Variants in SELENBP1 observed in about 807,000 individuals in gnomAD.
The protein encoded by SELENBP1 is methanethiol oxidase.
In SELENBP1, 71 loss-of-function variants were observed where a neutral mutation model predicts 61.0. That is an observed-to-expected ratio of 1.16 (90% confidence interval 0.96 to 1.42). The LOEUF (loss-of-function observed/expected upper bound fraction) is 1.42. Ranked by LOEUF, SELENBP1 falls within the 40% of genes most tolerant of loss-of-function variation. SELENBP1 has a pLI of 0.00. For missense variants in SELENBP1, 561 were observed against 605.0 expected (o/e 0.93, Z 0.76); for synonymous variants, 270 against 238.9 (o/e 1.13, Z -1.20).
Position 151,364,526 on chromosome 1 carries a change from G to C in SELENBP1, c.*17C>G. On this transcript the variant is annotated 3_prime_UTR_variant, in exon 12 of 12. Coordinates refer to ENST00000368868, the MANE Select transcript of SELENBP1 (RefSeq NM_003944.4). ...GTGAGGGCCCAAAATAGGGAGTGTG[G>C]GTGATGAGGGTGGAGTTCAAATCCA... is the stretch of plus-strand genomic sequence containing the variant. The C allele has an allele frequency of 6.2e-7, 1 of 1,613,726 alleles. No individual in the cohort carries two copies. Among genetic ancestry groups the C allele is most frequent in the Non-Finnish European group, 8.5e-7 (1 of 1,179,898 alleles).
Position 151,366,339 on chromosome 1 carries a change from T to G in SELENBP1, c.779A>C (p.Asp260Ala), listed in dbSNP as rs999479714. Residue 260 changes from aspartate (D) to alanine (A), a missense_variant, in exon 7 of 12, where the codon GAC becomes GCC. Asp to Ala is a moderately radical substitution (Grantham distance 126, BLOSUM62 -2). Transcript: ENST00000368868. ...PLEIRFLHNP[D>A]AAQGFVGCAL... ...GCAGCCCACAAAGCCTTGGGCAGCG[T>G]CTGGGTTGTGCAGGAAGCGGATCTC... is the stretch of plus-strand genomic sequence containing the variant. 5 of 1,614,072 alleles carry G rather than the reference T, an allele frequency of 3.1e-6. No homozygotes were observed. The African/African-American group carries it at 6.7e-5, about 22-fold the overall frequency.
At chr1:151,371,481 C>T (rs1652136420) in intron 1 of SELENBP1, among the ~76,000 whole-genome samples, 1 of 151,146 alleles carries the variant, frequency 6.6e-6, no homozygotes, top group Non-Finnish European at 1.5e-5. Flanking sequence ...AGGAGAATGC[C>T]AGGGAGTGCT....
In SELENBP1 at chr1:151,369,524, C is replaced by G. The variant is rs771417032; in HGVS notation, c.92G>C (p.Cys31Ser). 1.9e-6 allele frequency: 3 copies of G among 1,610,962 alleles called. No individual in the cohort carries two copies. Among genetic ancestry groups the G allele is most frequent in the Non-Finnish European group, 1.7e-6 (2 of 1,178,840 alleles). Residue 31 changes from cysteine to serine, a missense_variant, in exon 3 of 12, where the codon TGC becomes TCC. By Grantham distance (112) the Cys-to-Ser change is moderately radical (BLOSUM62 -1). Transcript: ENST00000368868. ...CTCAGTGCCTGTGTTTCGGTAAATG[C>G]AGGGCAGGTAGACGATCTCTTCCCT... ...GPREEIVYLPCIYRNTGTEAP... is the reference protein window; with the variant it reads ...GPREEIVYLPSIYRNTGTEAP...
intron 1 of SELENBP1, 147 bp downstream of exon 1, chr1:151,372,491 G>C: frequency 1.0e-6 from 1 of 966,620 alleles, no homozygotes; most frequent in South Asian, 1.4e-5. Flanking sequence ...GTGGGGGAGG[G>C]GGTGTGCAGA....
Position 151,372,624 on chromosome 1 carries a change from AC to A in SELENBP1, c.4+13del, listed in dbSNP as rs1652191776. The A allele has an allele frequency of 6.2e-7, 1 of 1,613,504 alleles. No individual in the cohort carries two copies. The highest frequency in any genetic ancestry group is 1.3e-5 in the African/African-American group (1 of 74,710). On this transcript the variant is annotated intron_variant, in intron 1 of 11. Coordinates refer to ENST00000368868, the MANE Select transcript of SELENBP1 (RefSeq NM_003944.4). ...CAGAGCAGGCAATGGGTGATTGGAA[AC>A]CCCTCTCCTTACCCATGCTGCCGAC...
In SELENBP1 at chr1:151,364,945, A is replaced by G; in HGVS notation, c.1237T>C (p.Phe413Leu). The change falls in exon 11 of 12, where the codon TTT becomes CTT. Residue 413 changes from phenylalanine (F) to leucine (L), a missense_variant. Phe to Leu is a conservative substitution (Grantham distance 22). Coordinates refer to ENST00000368868, the MANE Select transcript of SELENBP1 (RefSeq NM_003944.4). ...TSLYSAWDKQFYPDLIREGSV... is the reference protein window; with the variant it reads ...TSLYSAWDKQLYPDLIREGSV... ...TCTCACCTGATGAGATCAGGGTAAA[A>G]CTGCTTGTCCCAGGCACTGTACAGC... is the stretch of plus-strand genomic sequence containing the variant. 6.2e-7 allele frequency: 1 copy of G among 1,613,804 alleles called. No homozygotes were observed. The highest frequency in any genetic ancestry group is 1.7e-5 in the Admixed American group (1 of 59,976).
chr1:151,369,383 G>C (rs1452780409), intron 3 of SELENBP1, 59 bp downstream of exon 3: 43 of 1,520,572 alleles, frequency 2.8e-5, no homozygotes, highest in Non-Finnish European at 3.6e-5. Flanking sequence ...GGGGGGCCCA[G>C]GGCCAGGGAT....
chr1:151,368,993 A>G lies in SELENBP1; in HGVS notation c.360+11T>C. 1.9e-6 allele frequency: 3 copies of G among 1,601,796 alleles called. No homozygotes were observed. The highest frequency in any genetic ancestry group is 2.6e-6 in the Non-Finnish European group (3 of 1,170,366). ...TATGGTCTACTGAGCTGGCAAGGGC[A>G]GAGGACATGCCTTGTGCAGCTTTGG... On this transcript the variant is annotated intron_variant, in intron 4 of 11. Transcript: ENST00000368868.
Position 151,365,244 on chromosome 1 carries a change from A to T in SELENBP1, c.1082T>A (p.Val361Glu). 6 of 1,613,558 alleles carry T rather than the reference A, an allele frequency of 3.7e-6. No individual in the cohort carries two copies. Among genetic ancestry groups the T allele is most frequent in the Non-Finnish European group, 5.1e-6 (6 of 1,179,760 alleles). Residue 361 changes from valine to glutamate, a missense_variant, in exon 10 of 12, where the codon GTG (valine) becomes GAG (glutamate). By Grantham distance (121) the Val-to-Glu change is moderately radical. Coordinates refer to ENST00000368868, the MANE Select transcript of SELENBP1 (RefSeq NM_003944.4). ...LGGSIVKGGP[V>E]QVLEDEELKS... ...TAGTTCCTCGTCCTCCAGCACTTGC[A>T]CAGGGCCTCCCTTAACAATGCTGCC...
intron 8 of SELENBP1, 29 bp downstream of exon 8, chr1:151,365,739 A>C (rs773345789): frequency 3.7e-6 from 6 of 1,613,940 alleles, no homozygotes; most frequent in Non-Finnish European, 5.1e-6. Flanking sequence ...CAGGCCAAGA[A>C]TCAACTTTCC....
At chr1:151,369,379 C>A (rs1423375020) in intron 3 of SELENBP1, 63 bp downstream of exon 3, 21 of 1,504,524 alleles carry the variant, frequency 1.4e-5, no homozygotes, top group Non-Finnish European at 1.9e-5. Flanking sequence ...GAAGGGGGGG[C>A]CCAGGGCCAG....
At chr1:151,369,354 G>A (rs1478463653) in intron 3 of SELENBP1, 88 bp downstream of exon 3, 4 of 1,437,686 alleles carry the variant, frequency 2.8e-6, no homozygotes, top group Non-Finnish European at 3.8e-6. Flanking sequence ...GGAGGGCCAA[G>A]AAGGATGGAG....
intron 7 of SELENBP1, 21 bp downstream of exon 7, chr1:151,366,253 AG>A (rs1280314258): frequency 1.9e-6 from 3 of 1,602,166 alleles, no homozygotes; most frequent in Middle Eastern, 4.1e-4. Context: ...CTGGGAGGGG[AG>A]GGCCAGAGGG....
Position 151,364,639 on chromosome 1 carries a change from G to C in SELENBP1, c.1323C>G (p.Asn441Lys), listed in dbSNP as rs1363033403. Reference protein sequence around the residue: ...TVKGGLKLNPNFLVDFGKEPL... With the variant: ...TVKGGLKLNPKFLVDFGKEPL... ...GCTCCTTCCCGAAGTCCACCAGGAAGTTGGGGTTCAACTTCAGCCCTCCTT... is the reference window on the plus strand; with the variant it reads ...GCTCCTTCCCGAAGTCCACCAGGAACTTGGGGTTCAACTTCAGCCCTCCTT... Residue 441 changes from asparagine (N) to lysine (K), a missense_variant, in exon 12 of 12, where the codon AAC becomes AAG. Physicochemically the swap from Asn to Lys is moderately conservative, Grantham distance 94 (BLOSUM62 0). Coordinates refer to ENST00000368868, the MANE Select transcript of SELENBP1 (RefSeq NM_003944.4). 2.5e-6 allele frequency: 4 copies of C among 1,613,216 alleles called. No individual in the cohort carries two copies. Among genetic ancestry groups the C allele is most frequent in the Non-Finnish European group, 3.4e-6 (4 of 1,179,600 alleles).
chr1:151,370,646 G>A (rs906561292), intron 1 of SELENBP1, among the ~76,000 whole-genome samples: 5 of 152,230 alleles, frequency 3.3e-5, no homozygotes, highest in African/African-American at 1.2e-4. Flanking sequence ...CAGTAGGGCT[G>A]GGACATCACA....
At chr1:151,368,389 C>G in intron 4 of SELENBP1, 70 bp from the exon 5 acceptor site, 1 of 1,573,852 alleles carries the variant, frequency 6.4e-7, no homozygotes. Flanking sequence ...CTCCATACTT[C>G]CCCTACTTCT....
rs1202161982 is a variant in SELENBP1 at position 151,366,835 on chromosome 1, G to A, written c.551C>T (p.Ala184Val). The change falls in exon 6 of 12, where the codon GCA becomes GTA. Residue 184 changes from alanine to valine, a missense_variant. By Grantham distance (64) the Ala-to-Val change is moderately conservative. Transcript: ENST00000368868. ...GTACCAGAAGTCATAGCCCAACGGT[G>A]CAGCACCCCCAGGTCTCTCCCATGT... is the stretch of plus-strand genomic sequence containing the variant. ...KGTWERPGGA[A>V]PLGYDFWYQP... The A allele has an allele frequency of 6.2e-7, 1 of 1,614,024 alleles. No homozygotes were observed. The highest frequency in any genetic ancestry group is 8.5e-7 in the Non-Finnish European group (1 of 1,180,038).
At chr1:151,368,371 C>A in intron 4 of SELENBP1, 52 bp from the exon 5 acceptor site, 17 of 1,594,110 alleles carry the variant, frequency 1.1e-5, no homozygotes, top group Middle Eastern at 1.7e-4. Flanking sequence ...GGAGTCCCTG[C>A]TCTTAACCTC....
intron 5 of SELENBP1, chr1:151,367,478 CTG>C (rs771521135): frequency 3.4e-5 from 1 of 29,016 alleles, no homozygotes; most frequent in Non-Finnish European, 1.1e-4. Context: ...GCCAGTGCCC[CTG>C]TCTCCTGTCT....
Sources: gnomAD v4.1 joint callset for allele counts (sites outside exome capture counted in the v4.1 genomes callset) on GRCh38, gnomAD v4.1.1 for gene constraint, MANE v1.5 for transcripts, NCBI Gene and HGNC (gene_info 2026-07-23, HGNC 2026-07-21) for gene names.